The following RXRA variants were observed in gnomAD, a reference collection of about 807,000 sequenced individuals.
RXRA encodes retinoid X receptor alpha, also known as retinoic acid receptor RXR-alpha.
A neutral mutation model predicts 44.5 loss-of-function variants in RXRA; 5 were observed. That is an observed-to-expected ratio of 0.11 (90% CI 0.06 to 0.24). RXRA has a LOEUF of 0.24. Ranked by LOEUF, RXRA falls within the 10% of genes least tolerant of loss-of-function variation. The pLI is 1.00. For missense variants in RXRA, 412 were observed against 646.5 expected (o/e 0.64, Z 3.93); for synonymous variants, 291 against 271.4 (o/e 1.07, Z -0.71).
chr9:134,372,327 G>A (rs1474010027), intron 1 of RXRA, among the ~76,000 whole-genome samples: 1 of 152,158 alleles, frequency 6.6e-6, no homozygotes, highest in East Asian at 1.9e-4. Context: ...GGGCCTCCTG[G>A]ATGCTGGCTT....
At position 134,339,472 on chromosome 9, in the gene RXRA, T is replaced by C. The variant is rs140699114; in HGVS notation, c.28+12813T>C. ...GTGTGTGCCTGTGTGTGAGCCTGTG[T>C]GTGGGTGTGCATGCCCACGCCCTTG... On this transcript the variant is annotated intron_variant, in intron 1 of 9. Coordinates refer to ENST00000481739, the MANE Select transcript of RXRA (RefSeq NM_002957.6). 8.6e-3 allele frequency among the ~76,000 whole-genome samples: 1,306 copies of C among 151,822 alleles called. 18 individuals are homozygous for C. Among genetic ancestry groups the C allele is most frequent in the African/African-American group, 0.03 (1,249 of 41,378 alleles).
intron 1 of RXRA, among the ~76,000 whole-genome samples, chr9:134,327,096 C>T (rs1191892383): frequency 1.3e-5 from 2 of 152,056 alleles, no homozygotes; most frequent in African/African-American, 4.8e-5. Flanking sequence ...GCCGCCCGCC[C>T]GTCGGGCTGC....
chr9:134,364,054 G>C (rs1478942243), intron 1 of RXRA, among the ~76,000 whole-genome samples: 2 of 152,206 alleles, frequency 1.3e-5, no homozygotes, highest in African/African-American at 2.4e-5. Context: ...GGCATACCGG[G>C]TCTGCACCAG....
At position 134,407,882 on chromosome 9, in the gene RXRA, G is replaced by T. The variant is rs1257184063; in HGVS notation, c.280-267G>T. On this transcript the variant is annotated intron_variant, in intron 2 of 9. Transcript: ENST00000481739. The surrounding 1 kb of genome is among the most constrained non-coding windows in gnomAD (Gnocchi z 4.8). ...CAGGGACCGCCCATGTGTTGGGGGG[G>T]GTGTTGAAGGTCCTTTTCCACAGAG... Among the ~76,000 whole-genome samples, 5 of 152,052 alleles carry T rather than the reference G, an allele frequency of 3.3e-5. No individual in the cohort carries two copies. Among genetic ancestry groups the T allele is most frequent in the Non-Finnish European group, 7.4e-5 (5 of 67,986 alleles).
At chr9:134,402,084 C>T (rs1378751470) in intron 2 of RXRA, 1 of 572,424 alleles carries the variant, frequency 1.7e-6, no homozygotes, top group Admixed American at 3.3e-5. Flanking sequence ...GAGCCTGGGC[C>T]TTTGGATCAT....
At position 134,412,448 on chromosome 9, in the gene RXRA, C is replaced by T. The variant is rs944191289; in HGVS notation, c.610+3329C>T. On this transcript the variant is annotated intron_variant, in intron 4 of 9. Coordinates refer to ENST00000481739, the MANE Select transcript of RXRA (RefSeq NM_002957.6). The stretch of plus-strand genomic sequence containing the variant: ...GCTGAAGGCAGGATGGCCCAGGTGC[C>T]CCCATGCGGTGACTCTGCCCCCGGC... Among the ~76,000 whole-genome samples the T allele has an allele frequency of 4.6e-5, 7 of 152,332 alleles. No individual in the cohort carries two copies. The East Asian group carries it at 9.7e-4, about 21-fold the overall frequency.
chr9:134,430,044 C>G (rs1831506230), intron 7 of RXRA, among the ~76,000 whole-genome samples: 1 of 152,236 alleles, frequency 6.6e-6, no homozygotes, highest in Admixed American at 6.5e-5. Flanking sequence ...CGCCACCACG[C>G]CCGGCTATTT....
chr9:134,395,018 G>A (rs773827410), intron 1 of RXRA, among the ~76,000 whole-genome samples: 17 of 152,228 alleles, frequency 1.1e-4, no homozygotes, highest in Non-Finnish European at 2.2e-4. Flanking sequence ...GGAACCTGGG[G>A]GACCAAACTC....
rs977125479 is a variant in RXRA, at chr9:134,412,898, C to T, written c.610+3779C>T. Among the ~76,000 whole-genome samples the T allele has an allele frequency of 9.9e-5, 15 of 152,216 alleles. 1 individual carries two copies. Among genetic ancestry groups the T allele is most frequent in the African/African-American group, 2.7e-4 (11 of 41,452 alleles). Reference sequence around the variant, plus strand: ...CTCCTCCCTCAGGAAGGCTGCTTCCCATTTCCTTCCTGCCTGCCTTTGCTT... The same window carrying T: ...CTCCTCCCTCAGGAAGGCTGCTTCCTATTTCCTTCCTGCCTGCCTTTGCTT... On this transcript the variant is annotated intron_variant, in intron 4 of 9. Transcript: ENST00000481739.
Position 134,391,710 on chromosome 9 carries a change from G to A in RXRA, c.29-9922G>A, listed in dbSNP as rs556388049. On this transcript the variant is annotated intron_variant, in intron 1 of 9. Coordinates refer to ENST00000481739, the MANE Select transcript of RXRA (RefSeq NM_002957.6). Reference sequence around the variant, plus strand: ...CTGGTACCCGTCCTCCAAGGTGGGCGTCATTGCTGGAACTCTCAGGGCTCA... The same window carrying A: ...CTGGTACCCGTCCTCCAAGGTGGGCATCATTGCTGGAACTCTCAGGGCTCA... Among the ~76,000 whole-genome samples, 13 of 152,364 alleles carry A rather than the reference G, an allele frequency of 8.5e-5. No individual in the cohort carries two copies. In the South Asian group the frequency reaches 2.1e-3, roughly 24 times the overall value.
At position 134,419,061 on chromosome 9, in the gene RXRA, A is replaced by G. The variant is rs1831284838; in HGVS notation, c.780+1734A>G. On this transcript the variant is annotated intron_variant, in intron 5 of 9. Coordinates refer to ENST00000481739, the MANE Select transcript of RXRA (RefSeq NM_002957.6). Reference sequence around the variant, plus strand: ...GGCTGGGGCTGCCCAGCTTGGGGGAAGATGAATGGGACCCCGACAGCAGGC... The same window carrying G: ...GGCTGGGGCTGCCCAGCTTGGGGGAGGATGAATGGGACCCCGACAGCAGGC... Among the ~76,000 whole-genome samples, 3 of 152,140 alleles carry G rather than the reference A, an allele frequency of 2.0e-5. 1 individual carries two copies. Among genetic ancestry groups the G allele is most frequent in the Admixed American group, 2.0e-4 (3 of 15,276 alleles).
intron 1 of RXRA, among the ~76,000 whole-genome samples, chr9:134,363,708 G>A (rs1830381046): frequency 6.6e-6 from 1 of 152,208 alleles, no homozygotes; most frequent in South Asian, 2.1e-4. Flanking sequence ...CACTGCCTGT[G>A]CTGGCCAGTG....
chr9:134,358,754 C>A (rs936450796), intron 1 of RXRA, among the ~76,000 whole-genome samples: 2 of 152,166 alleles, frequency 1.3e-5, no homozygotes, highest in African/African-American at 4.8e-5. Flanking sequence ...CAGGCCTGGG[C>A]CCCGGCTGGG....
At chr9:134,411,095 G>A (rs1228909593) in intron 4 of RXRA, among the ~76,000 whole-genome samples, 1 of 152,334 alleles carries the variant, frequency 6.6e-6, no homozygotes, top group East Asian at 1.9e-4. Context: ...CCTGGCTGCA[G>A]GGAGCAGTGT....
intron 1 of RXRA, among the ~76,000 whole-genome samples, chr9:134,389,106 C>T (rs1188479328): frequency 3.9e-5 from 6 of 152,200 alleles, no homozygotes; most frequent in Admixed American, 1.3e-4. Flanking sequence ...GAGTCACATC[C>T]GCCACCTGGC....
intron 4 of RXRA, among the ~76,000 whole-genome samples, chr9:134,411,400 CAT>C (rs1257241528): frequency 2.6e-5 from 4 of 152,188 alleles, no homozygotes; most frequent in Non-Finnish European, 4.4e-5. Flanking sequence ...AGGAGCAGCT[CAT>C]GTGGGGGACC....
intron 6 of RXRA, chr9:134,422,431 C>T (rs1258965220): frequency 1.9e-5 from 24 of 1,274,048 alleles, no homozygotes; most frequent in South Asian, 5.1e-5. Context: ...CCTGGACGCT[C>T]CCCTCTCCCT....
chr9:134,374,951 G>T (rs1008241417), intron 1 of RXRA, among the ~76,000 whole-genome samples: 4 of 152,216 alleles, frequency 2.6e-5, no homozygotes, highest in African/African-American at 9.6e-5. Context: ...AGGGCCCAGG[G>T]TGTCACAATG....
Position 134,438,618 on chromosome 9 carries a change from C to T in RXRA, c.*2004C>T, listed in dbSNP as rs1466581180. On this transcript the variant is annotated 3_prime_UTR_variant, in exon 10 of 10. Coordinates refer to ENST00000481739, the MANE Select transcript of RXRA (RefSeq NM_002957.6). Reference sequence around the variant, plus strand: ...GCACTGCCAGGAAGCCCCAGCTGCCCCTGGCGGGTGTGGTGGAAATGGCAG... The same window carrying T: ...GCACTGCCAGGAAGCCCCAGCTGCCTCTGGCGGGTGTGGTGGAAATGGCAG... The T allele has an allele frequency of 6.6e-6, 1 of 152,622 alleles. No individual in the cohort carries two copies. Among genetic ancestry groups the T allele is most frequent in the Non-Finnish European group, 1.5e-5 (1 of 68,108 alleles). The allele number at this position is 152,622 out of a possible 1,614,324, so 9.5% of individuals were successfully genotyped here.
Sources: allele counts gnomAD v4.1 joint callset (sites outside exome capture counted in the v4.1 genomes callset), GRCh38; gene constraint gnomAD v4.1.1; non-coding constraint Gnocchi (gnomAD v3.1); transcripts MANE v1.5; gene names NCBI Gene and HGNC (gene_info 2026-07-23, HGNC 2026-07-21).